The following RELN variants were observed in gnomAD, a reference collection of about 807,000 sequenced individuals.
RELN encodes reelin.
In RELN, 108 loss-of-function variants were observed where a neutral mutation model predicts 427.6. The observed-to-expected ratio is 0.25, with a 90% CI of 0.22 to 0.30. The LOEUF (loss-of-function observed/expected upper bound fraction) is 0.30, where lower values mean the gene tolerates loss of function less well. Among genes scored for constraint, RELN ranks in the 10% least tolerant of loss-of-function variants. The pLI is 1.00. For missense variants in RELN, 3,715 were observed against 4,302.8 expected, an observed-to-expected ratio of 0.86 and a Z score of 3.82; for synonymous variants, 1,524 against 1,513.4, an observed-to-expected ratio of 1.01 and a Z score of -0.16.
chr7:103,611,254 T>C (rs1210770095), intron 21 of RELN, among the ~76,000 whole-genome samples: 2 of 152,202 alleles, frequency 1.3e-5, no homozygotes, highest in African/African-American at 4.8e-5. Context: ...ACATTCTTAA[T>C]ATGGTCTACC....
intron 3 of RELN, among the ~76,000 whole-genome samples, chr7:103,826,375 T>C (rs574374062): frequency 1.3e-5 from 2 of 150,694 alleles, no homozygotes; most frequent in African/African-American, 2.4e-5. Flanking sequence ...CATACATATT[T>C]ACATATCTAA....
intron 46 of RELN, among the ~76,000 whole-genome samples, chr7:103,532,226 G>A (rs1050414776): frequency 6.6e-6 from 1 of 152,188 alleles, no homozygotes; most frequent in Middle Eastern, 3.2e-3. Context: ...TCACTTATAA[G>A]TGGGAGCTGA....
chr7:103,944,471 G>C (rs1010072576), intron 1 of RELN, among the ~76,000 whole-genome samples: 4 of 152,178 alleles, frequency 2.6e-5, no homozygotes, highest in African/African-American at 7.2e-5. Context: ...GGTGATGTAA[G>C]TCAGGAATGG....
At position 103,670,254 on chromosome 7, in the gene RELN, A is replaced by T. The variant is rs144909811; in HGVS notation, c.1290-8727T>A. Among the ~76,000 whole-genome samples the T allele has an allele frequency of 1.9e-3, 291 of 152,212 alleles. 1 individual carries two copies. The highest frequency in any genetic ancestry group is 6.8e-3 in the Middle Eastern group (2 of 294). On this transcript the variant is annotated intron_variant, in intron 11 of 64. Transcript: ENST00000428762. Reference sequence around the variant, plus strand: ...AGCTTGGCAATAACTATCAAAACTGAAATTATATACCTACATAAGTATGTA... The same window carrying T: ...AGCTTGGCAATAACTATCAAAACTGTAATTATATACCTACATAAGTATGTA...
intron 2 of RELN, among the ~76,000 whole-genome samples, chr7:103,914,234 T>C (rs904785051): frequency 6.6e-6 from 1 of 152,156 alleles, no homozygotes; most frequent in Non-Finnish European, 1.5e-5. Context: ...ATGCATTTTA[T>C]ATGTTCTCTC....
At chr7:103,725,383 T>C (rs1021220915) in intron 7 of RELN, among the ~76,000 whole-genome samples, 1 of 152,066 alleles carries the variant, frequency 6.6e-6, no homozygotes, top group African/African-American at 2.4e-5. Context: ...GGAGACCTCA[T>C]CTCTACAAAC....
chr7:103,517,667 G>A (rs1239907480), intron 49 of RELN, among the ~76,000 whole-genome samples: 3 of 152,210 alleles, frequency 2.0e-5, no homozygotes, highest in Non-Finnish European at 4.4e-5. Flanking sequence ...TAACAGTTGA[G>A]CACAGGGTAC....
intron 6 of RELN, among the ~76,000 whole-genome samples, chr7:103,733,940 TA>T (rs11291450): frequency 0.49 from 73,609 of 151,482 alleles, 18,053 homozygotes; most frequent in Non-Finnish European, 0.54. Context: ...TAAAGTATAA[TA>T]AAAAAAAATG....
chr7:103,610,820 T>A lies in RELN; in HGVS notation c.2896-13A>T, dbSNP rs1294962699. On this transcript the variant is annotated splice_polypyrimidine_tract_variant and intron_variant, in intron 21 of 64. Transcript: ENST00000428762. ...TTGGAAGGCATTCCTGAAAGAAAGTTAGGCACAAATCAAACCCAGCTTCTG... is the reference window on the plus strand; with the variant it reads ...TTGGAAGGCATTCCTGAAAGAAAGTAAGGCACAAATCAAACCCAGCTTCTG... The A allele has an allele frequency of 2.0e-6, 3 of 1,478,156 alleles. No homozygotes were observed. In the East Asian group the frequency reaches 6.8e-5, roughly 33 times the overall value. 91.6% of individuals were successfully genotyped at this position (1,478,156 alleles called of 1,614,324 possible). A position where few individuals can be genotyped will look rare whatever the true frequency, so the allele number is the denominator to read the frequency against.
chr7:103,737,245 A>C (rs1786641426), intron 6 of RELN, among the ~76,000 whole-genome samples: 1 of 152,218 alleles, frequency 6.6e-6, no homozygotes, highest in Non-Finnish European at 1.5e-5. Flanking sequence ...GCTGTTGAGA[A>C]AATGAAAGGT....
rs1455135607 is a variant in RELN at position 103,594,640 on chromosome 7, T to C, written c.3540-148A>G. The C allele has an allele frequency of 6.4e-6, 5 of 786,438 alleles. No homozygotes were observed. The East Asian group carries it at 1.3e-4, about 21-fold the overall frequency. The allele number at this position is 786,438 out of a possible 1,614,324, so 48.7% of individuals were successfully genotyped here. ...CCAAAAGCCCGTAAGTTTGGACATATCAGACTTGAGGTTTAACCTTGTAGG... is the reference window on the plus strand; with the variant it reads ...CCAAAAGCCCGTAAGTTTGGACATACCAGACTTGAGGTTTAACCTTGTAGG... On this transcript the variant is annotated intron_variant, in intron 25 of 64. Coordinates refer to ENST00000428762, the MANE Select transcript of RELN (RefSeq NM_005045.4).
At chr7:103,550,478 A>G (rs1244369193) in intron 41 of RELN, among the ~76,000 whole-genome samples, 1 of 152,128 alleles carries the variant, frequency 6.6e-6, no homozygotes, top group African/African-American at 2.4e-5. Flanking sequence ...TTTTTGAAAT[A>G]TACTTTTCAT....
intron 51 of RELN, among the ~76,000 whole-genome samples, chr7:103,507,954 G>A (rs1584247228): frequency 1.3e-5 from 2 of 152,094 alleles, no homozygotes; most frequent in Non-Finnish European, 2.9e-5. Flanking sequence ...TAAATTCCTC[G>A]ACACATACAC....
intron 8 of RELN, among the ~76,000 whole-genome samples, chr7:103,711,232 T>A (rs760658062): frequency 3.3e-5 from 5 of 152,208 alleles, no homozygotes; most frequent in Non-Finnish European, 5.9e-5. Context: ...GCATTCTAAA[T>A]AAATTTTCAC....
At chr7:103,753,042 C>T in intron 5 of RELN, 140 bp downstream of exon 5, 1 of 847,650 alleles carries the variant, frequency 1.2e-6, no homozygotes. Context: ...ATAATCCGTA[C>T]CCAAGTCCAA....
chr7:103,802,072 CAA>C (rs1221574694), intron 3 of RELN, among the ~76,000 whole-genome samples: 1 of 151,990 alleles, frequency 6.6e-6, no homozygotes, highest in African/African-American at 2.4e-5. Context: ...TAATGAGAAA[CAA>C]AATAAATACA....
chr7:103,525,015 C>G (rs1022151950), intron 46 of RELN, among the ~76,000 whole-genome samples: 4 of 152,156 alleles, frequency 2.6e-5, no homozygotes, highest in Non-Finnish European at 5.9e-5. Flanking sequence ...ATCATGGTCA[C>G]TCGCCTCTGG....
chr7:103,951,691 A>T, intron 1 of RELN, among the ~76,000 whole-genome samples: 1 of 149,706 alleles, frequency 6.7e-6, no homozygotes, highest in East Asian at 1.9e-4. Context: ...TTTTTTTTAA[A>T]ATACAGAGTC....
intron 11 of RELN, among the ~76,000 whole-genome samples, chr7:103,678,319 T>C (rs1833582262): frequency 6.6e-6 from 1 of 152,234 alleles, no homozygotes; most frequent in Non-Finnish European, 1.5e-5. Context: ...AATTAAATGA[T>C]GTGTTTGTAA....
Sources: gnomAD v4.1 joint callset for allele counts (sites outside exome capture counted in the v4.1 genomes callset) on GRCh38, gnomAD v4.1.1 for gene constraint, MANE v1.5 for transcripts, NCBI Gene and HGNC (gene_info 2026-07-23, HGNC 2026-07-21) for gene names.